CCDC91: variants seen among roughly 807,000 people sequenced by gnomAD.
The protein encoded by CCDC91 is coiled-coil domain-containing protein 91.
In CCDC91, 48 loss-of-function variants were observed where a neutral mutation model predicts 63.2. That is an observed-to-expected ratio of 0.76 (90% CI 0.60 to 0.97). The LOEUF is 0.97. Among genes scored for constraint, CCDC91 ranks in the 50% least tolerant of loss-of-function variants. The pLI, the probability that CCDC91 is intolerant of heterozygous loss-of-function variation, is 0.00. For synonymous variants in CCDC91, 167 were observed against 165.8 expected (o/e 1.01, Z -0.06); for missense variants, 500 against 494.6 (o/e 1.01, Z -0.10).
At chr12:28,304,393 A>G (rs1938451184) in intron 3 of CCDC91, among the ~76,000 whole-genome samples, 3 of 122,110 alleles carry the variant, frequency 2.5e-5, no homozygotes, top group Non-Finnish European at 5.4e-5. Flanking sequence ...AAAAAAAAAA[A>G]AAAAAAAAGA....
At chr12:28,410,938 G>A (rs1197362660) in intron 8 of CCDC91, among the ~76,000 whole-genome samples, 1 of 151,868 alleles carries the variant, frequency 6.6e-6, no homozygotes, top group Non-Finnish European at 1.5e-5. Context: ...ATTCCCTCAT[G>A]TTTTTTTGCT....
rs533261993 is a variant in CCDC91 at position 28,274,286 on chromosome 12, C to G, written c.109+14844C>G. ...AAGTCAGGTAGCATGATGCCTCCAG[C>G]TTTGTTCTTTAGGCTTAGGATTGAC... is the stretch of plus-strand genomic sequence containing the variant. On this transcript the variant is annotated intron_variant, in intron 3 of 12. Transcript: ENST00000536442. Among the ~76,000 whole-genome samples the G allele has an allele frequency of 2.0e-5, 3 of 152,224 alleles. No homozygotes were observed. The South Asian group carries it at 6.2e-4, about 32-fold the overall frequency.
intron 11 of CCDC91, among the ~76,000 whole-genome samples, chr12:28,458,015 G>T (rs1018138614): frequency 6.6e-6 from 1 of 151,944 alleles, no homozygotes; most frequent in Non-Finnish European, 1.5e-5. Flanking sequence ...GTAATTTGGG[G>T]TTATGTTTTC....
chr12:28,514,931 C>G (rs933330654), intron 12 of CCDC91, among the ~76,000 whole-genome samples: 1 of 151,650 alleles, frequency 6.6e-6, no homozygotes, highest in African/African-American at 2.4e-5. Context: ...GGTTTAATAC[C>G]TGGGTGATGA....
intron 8 of CCDC91, among the ~76,000 whole-genome samples, chr12:28,433,469 A>C (rs1207920715): frequency 1.3e-5 from 2 of 152,008 alleles, no homozygotes; most frequent in Non-Finnish European, 2.9e-5. Flanking sequence ...TTTTTTAAAA[A>C]GACTATCTTT....
At chr12:28,354,067 C>T (rs1943362754) in intron 6 of CCDC91, among the ~76,000 whole-genome samples, 1 of 152,126 alleles carries the variant, frequency 6.6e-6, no homozygotes, top group Admixed American at 6.5e-5. Flanking sequence ...GTAAAAAATG[C>T]AGTATCTGTG....
intron 1 of CCDC91, among the ~76,000 whole-genome samples, chr12:28,219,085 G>C (rs1482522566): frequency 2.0e-5 from 3 of 152,098 alleles, no homozygotes; most frequent in Non-Finnish European, 4.4e-5. Flanking sequence ...GAGAATTCTA[G>C]GTGCTCCATA....
chr12:28,379,129 G>A (rs1196663645), intron 7 of CCDC91, among the ~76,000 whole-genome samples: 1 of 151,942 alleles, frequency 6.6e-6, no homozygotes, highest in Non-Finnish European at 1.5e-5. Flanking sequence ...AGTTTCTGTT[G>A]TGTAGCAGAC....
At chr12:28,460,248 C>G (rs1950238874) in intron 11 of CCDC91, among the ~76,000 whole-genome samples, 1 of 152,074 alleles carries the variant, frequency 6.6e-6, no homozygotes, top group African/African-American at 2.4e-5. Flanking sequence ...AAGTTTGCCT[C>G]CTGATCACAT....
At chr12:28,297,433 C>A (rs1949623821) in intron 3 of CCDC91, among the ~76,000 whole-genome samples, 1 of 151,820 alleles carries the variant, frequency 6.6e-6, no homozygotes, top group Non-Finnish European at 1.5e-5. Flanking sequence ...GTTACCCTTA[C>A]AAAGGTAAAA....
At chr12:28,356,985 C>A (rs1943569105) in intron 6 of CCDC91, among the ~76,000 whole-genome samples, 1 of 152,140 alleles carries the variant, frequency 6.6e-6, no homozygotes, top group Non-Finnish European at 1.5e-5. Flanking sequence ...AGCAGAGGAT[C>A]CTGTTGCTAT....
intron 8 of CCDC91, among the ~76,000 whole-genome samples, chr12:28,399,609 A>G (rs895580493): frequency 2.0e-5 from 3 of 152,250 alleles, no homozygotes; most frequent in Admixed American, 6.5e-5. Flanking sequence ...CCTTCTGCCT[A>G]TGAGCCTGTA....
intron 12 of CCDC91, among the ~76,000 whole-genome samples, chr12:28,503,698 A>G (rs1330210284): frequency 1.3e-5 from 2 of 152,192 alleles, no homozygotes; most frequent in Admixed American, 1.3e-4. Flanking sequence ...ATGTCCAACA[A>G]TGATAGACTG....
chr12:28,400,600 C>G (rs1085526), intron 8 of CCDC91, among the ~76,000 whole-genome samples: 23,956 of 152,102 alleles, frequency 0.16, 2,940 homozygotes, highest in East Asian at 0.56. Context: ...CTTTTATGCT[C>G]TACTTCCCTT....
chr12:28,270,864 C>T (rs1226398639), intron 3 of CCDC91, among the ~76,000 whole-genome samples: 1 of 152,068 alleles, frequency 6.6e-6, no homozygotes, highest in Non-Finnish European at 1.5e-5. Context: ...TGTTTGATTT[C>T]TCCCCCATTC....
intron 1 of CCDC91, among the ~76,000 whole-genome samples, chr12:28,195,136 C>G (rs1212008250): frequency 1.1e-5 from 1 of 89,178 alleles, no homozygotes; most frequent in Non-Finnish European, 2.8e-5. Context: ...GTCCATTTTA[C>G]AGAGTGCTGA....
chr12:28,453,298 CAGA>C (rs1470978810), intron 11 of CCDC91, among the ~76,000 whole-genome samples: 2 of 151,848 alleles, frequency 1.3e-5, no homozygotes, highest in African/African-American at 2.4e-5. Context: ...TATATATAGG[CAGA>C]AGTACTTAAA....
At chr12:28,230,321 T>C (rs1944508713) in intron 1 of CCDC91, among the ~76,000 whole-genome samples, 1 of 152,178 alleles carries the variant, frequency 6.6e-6, no homozygotes, top group African/African-American at 2.4e-5. Flanking sequence ...TCTTGGCTTT[T>C]GGTAGTATTA....
At chr12:28,365,425 C>T (rs1442860622) in intron 7 of CCDC91, among the ~76,000 whole-genome samples, 2 of 152,112 alleles carry the variant, frequency 1.3e-5, no homozygotes, top group Non-Finnish European at 2.9e-5. Context: ...GCTAAGCACA[C>T]TCACAATAAC....
Sources: allele counts gnomAD v4.1 joint callset (sites outside exome capture counted in the v4.1 genomes callset), GRCh38; gene constraint gnomAD v4.1.1; transcripts MANE v1.5; gene names NCBI Gene and HGNC (gene_info 2026-07-23, HGNC 2026-07-21).